The following ATP13A5 variants were observed in gnomAD, a reference collection of about 807,000 sequenced individuals.
The protein encoded by ATP13A5 is probable cation-transporting ATPase 13A5.
In ATP13A5, 149 loss-of-function variants were observed where a neutral mutation model predicts 150.2. That is an observed-to-expected ratio of 0.99 (90% CI 0.87 to 1.14). The LOEUF (loss-of-function observed/expected upper bound fraction) is 1.14. Among genes scored for constraint, ATP13A5 ranks in the 50% most tolerant of loss-of-function variants. The pLI, the probability that ATP13A5 is intolerant of heterozygous loss-of-function variation, is 0.00. For missense variants in ATP13A5, 1,383 were observed against 1,449.3 expected, an observed-to-expected ratio of 0.95 and a Z score of 0.74; for synonymous variants, 497 against 522.2, an observed-to-expected ratio of 0.95 and a Z score of 0.66.
At chr3:193,371,881 A>G (rs546109264) in intron 1 of ATP13A5, among the ~76,000 whole-genome samples, 1 of 152,140 alleles carries the variant, frequency 6.6e-6, no homozygotes, top group Non-Finnish European at 1.5e-5. Flanking sequence ...TCCATAGAAC[A>G]TAATATAATA....
intron 17 of ATP13A5, among the ~76,000 whole-genome samples, chr3:193,318,453 A>G (rs1719133839): frequency 6.6e-6 from 1 of 152,194 alleles, no homozygotes; most frequent in South Asian, 2.1e-4. Context: ...TATCCCTGTA[A>G]TGTAATTAAG....
At chr3:193,329,423 G>A (rs1711546433) in intron 12 of ATP13A5, among the ~76,000 whole-genome samples, 1 of 151,556 alleles carries the variant, frequency 6.6e-6, no homozygotes, top group Admixed American at 6.6e-5. Context: ...ACATGAGGAT[G>A]TGGAGGGAGA....
At chr3:193,320,692 C>T (rs2108861715) in intron 16 of ATP13A5, among the ~76,000 whole-genome samples, 1 of 152,270 alleles carries the variant, frequency 6.6e-6, no homozygotes, top group East Asian at 1.9e-4. Flanking sequence ...ATCTAGAATT[C>T]TCTGCACAAG....
At chr3:193,341,809 T>G (rs1253997196) in intron 9 of ATP13A5, among the ~76,000 whole-genome samples, 1 of 152,180 alleles carries the variant, frequency 6.6e-6, no homozygotes, top group East Asian at 1.9e-4. Context: ...AAGGTAAACT[T>G]CTTGCACAGC....
chr3:193,289,949 C>T lies in ATP13A5; in HGVS notation c.2959G>A (p.Val987Met). 1 of 1,612,724 alleles carries T rather than the reference C, an allele frequency of 6.2e-7. No individual in the cohort carries two copies. The highest frequency in any genetic ancestry group is 2.2e-5 in the East Asian group (1 of 44,844). ...IFLNSCFSCI[V>M]QISAFLYVKQ... ...ACATAGAGAAATGCACTGATCTGCACAATGCAGGAGAAACAGGAATTCAAA... is the reference window on the plus strand; with the variant it reads ...ACATAGAGAAATGCACTGATCTGCATAATGCAGGAGAAACAGGAATTCAAA... Residue 987 changes from valine (V) to methionine (M), a missense_variant, in exon 26 of 30, where the codon GTG becomes ATG. By Grantham distance (21) the Val-to-Met change is conservative (BLOSUM62 1). Around this residue, in one of 3 missense-constraint regions of ATP13A5, gnomAD observed 568 missense variants for 621.5 expected, o/e 0.91. Coordinates refer to ENST00000342358, the MANE Select transcript of ATP13A5 (RefSeq NM_198505.4).
At chr3:193,299,010 G>A (rs920951322) in intron 25 of ATP13A5, 121 bp downstream of exon 25, 1 of 735,142 alleles carries the variant, frequency 1.4e-6, no homozygotes, top group Admixed American at 3.3e-5. Flanking sequence ...TTAAAAAATT[G>A]TAAATAATGA....
chr3:193,295,595 G>C (rs1718135852), intron 25 of ATP13A5, among the ~76,000 whole-genome samples: 1 of 152,106 alleles, frequency 6.6e-6, no homozygotes, highest in Non-Finnish European at 1.5e-5. Context: ...CTAATATACA[G>C]TGAGAGATGA....
intron 21 of ATP13A5, 124 bp from the exon 22 acceptor site, chr3:193,307,493 G>A: frequency 8.9e-7 from 1 of 1,122,468 alleles, no homozygotes; most frequent in Non-Finnish European, 1.3e-6. Context: ...AACACACCTG[G>A]AATCAGGCTG....
At chr3:193,356,370 G>T (rs1712790248) in intron 5 of ATP13A5, among the ~76,000 whole-genome samples, 1 of 152,028 alleles carries the variant, frequency 6.6e-6, no homozygotes, top group South Asian at 2.1e-4. Context: ...ATTATATGCT[G>T]AATGAACGAA....
chr3:193,284,035 T>TTATTA (rs1560112773), intron 27 of ATP13A5, among the ~76,000 whole-genome samples: 1 of 91,464 alleles, frequency 1.1e-5, no homozygotes, highest in Non-Finnish European at 2.3e-5. Flanking sequence ...TATTATTATT[T>TTATTA]TTTGAGACAG....
intron 5 of ATP13A5, among the ~76,000 whole-genome samples, chr3:193,354,403 C>T (rs777371339): frequency 2.6e-5 from 4 of 151,618 alleles, no homozygotes; most frequent in African/African-American, 9.7e-5. Flanking sequence ...CTGTAGTCCT[C>T]GATACAAATA....
chr3:193,368,050 C>T (rs1713299753), intron 1 of ATP13A5, among the ~76,000 whole-genome samples: 1 of 151,916 alleles, frequency 6.6e-6, no homozygotes, highest in Admixed American at 6.6e-5. Context: ...AAGAACTAAA[C>T]TCTATGTGTA....
At chr3:193,370,350 G>C (rs6789716) in intron 1 of ATP13A5, among the ~76,000 whole-genome samples, 21,949 of 152,112 alleles carry the variant, frequency 0.14, 1,775 homozygotes, top group Non-Finnish European at 0.16. Flanking sequence ...CCTTCTAGAA[G>C]CTCTCACTTC....
rs1474158853 is a variant in ATP13A5 at position 193,340,145 on chromosome 3, A to G, written c.943+3782T>C. ...CATCATTGCTCATAATCAACTGTACATTTGGCTCCCTGTGCTGTCACGTGG... is the reference window on the plus strand; with the variant it reads ...CATCATTGCTCATAATCAACTGTACGTTTGGCTCCCTGTGCTGTCACGTGG... On this transcript the variant is annotated intron_variant, in intron 9 of 29. Transcript: ENST00000342358. 4.6e-5 allele frequency among the ~76,000 whole-genome samples: 7 copies of G among 152,340 alleles called. No individual in the cohort carries two copies. The South Asian group carries it at 1.2e-3, about 27-fold the overall frequency.
At chr3:193,293,341 A>G (rs2108831320) in intron 25 of ATP13A5, among the ~76,000 whole-genome samples, 1 of 152,260 alleles carries the variant, frequency 6.6e-6, no homozygotes, top group East Asian at 1.9e-4. Context: ...ATTCAGAGGA[A>G]TACTAACTTC....
chr3:193,320,134 T>C (rs1344516227), intron 16 of ATP13A5, among the ~76,000 whole-genome samples: 4 of 152,204 alleles, frequency 2.6e-5, no homozygotes, highest in African/African-American at 9.7e-5. Flanking sequence ...GTATAGTAGC[T>C]TAGGTGGCAA....
At position 193,305,559 on chromosome 3, in the gene ATP13A5, C is replaced by T; in HGVS notation, c.2678G>A (p.Arg893Lys). ...TNIQCVPHLI[R>K]EGRAALVSSF... Reference sequence around the variant, plus strand: ...GCTGGAAGAGGAAAAAATGACTTACCTGATGAGATGAGGCACACACTGGAT... The same window carrying T: ...GCTGGAAGAGGAAAAAATGACTTACTTGATGAGATGAGGCACACACTGGAT... Residue 893 changes from arginine to lysine, a missense_variant and splice_region_variant, in exon 23 of 30, where the codon AGA becomes AAA. Coordinates refer to ENST00000342358, the MANE Select transcript of ATP13A5 (RefSeq NM_198505.4). The T allele has an allele frequency of 1.2e-6, 2 of 1,612,868 alleles. No homozygotes were observed. Among genetic ancestry groups the T allele is most frequent in the South Asian group, 1.1e-5 (1 of 91,056 alleles).
chr3:193,338,493 T>A (rs1711982792), intron 9 of ATP13A5, among the ~76,000 whole-genome samples: 4 of 152,246 alleles, frequency 2.6e-5, no homozygotes, highest in Admixed American at 6.5e-5. Context: ...GAGATAATCA[T>A]GTGGGTTTTG....
Position 193,362,707 on chromosome 3 carries a change from C to T in ATP13A5, c.385-70G>A, listed in dbSNP as rs960937827. ...AGCTCACTGGGAGAGGGAGTGGTGT[C>T]CAATGCAGGATGCAGATCCCCTTGT... On this transcript the variant is annotated intron_variant, in intron 3 of 29. Coordinates refer to ENST00000342358, the MANE Select transcript of ATP13A5 (RefSeq NM_198505.4). 7.3e-6 allele frequency: 10 copies of T among 1,376,926 alleles called. No homozygotes were observed. In the East Asian group the frequency reaches 2.3e-4, roughly 31 times the overall value. 85.3% of individuals were successfully genotyped at this position (1,376,926 alleles called of 1,614,324 possible).
Sources: allele counts gnomAD v4.1 joint callset (sites outside exome capture counted in the v4.1 genomes callset), GRCh38; gene constraint gnomAD v4.1.1; regional missense constraint gnomAD v4.1.1; transcripts MANE v1.5; gene names NCBI Gene and HGNC (gene_info 2026-07-23, HGNC 2026-07-21).